PRKD1: variants seen among roughly 807,000 people sequenced by gnomAD.
PRKD1 encodes protein kinase D1.
A neutral mutation model predicts 95.9 loss-of-function variants in PRKD1; 63 were observed. That is an observed-to-expected ratio of 0.66 (90% CI 0.54 to 0.81). PRKD1 has a LOEUF of 0.81. PRKD1 is among the 30% of genes least tolerant of loss of function. PRKD1 has a pLI of 0.00. For synonymous variants in PRKD1, 425 were observed against 423.1 expected (o/e 1.00, Z -0.05); for missense variants, 1,048 against 1,165.3 (o/e 0.90, Z 1.47).
At chr14:29,840,792 CTT>C (rs1891809979) in intron 1 of PRKD1, among the ~76,000 whole-genome samples, 1 of 152,176 alleles carries the variant, frequency 6.6e-6, no homozygotes, top group Non-Finnish European at 1.5e-5. Flanking sequence ...AATCAGATCT[CTT>C]GAGACCCACT....
intron 16 of PRKD1, among the ~76,000 whole-genome samples, chr14:29,590,417 T>C (rs1893087145): frequency 1.3e-5 from 2 of 152,190 alleles, no homozygotes; most frequent in African/African-American, 4.8e-5. Context: ...GATGGTCAAA[T>C]TGTATGTTAA....
intron 16 of PRKD1, among the ~76,000 whole-genome samples, chr14:29,583,941 G>T (rs1464728003): frequency 6.6e-6 from 1 of 152,032 alleles, no homozygotes; most frequent in Non-Finnish European, 1.5e-5. Context: ...TGCCCTATCA[G>T]TTTAGAGACA....
At chr14:29,836,430 G>T (rs1165030744) in intron 1 of PRKD1, among the ~76,000 whole-genome samples, 2 of 152,174 alleles carry the variant, frequency 1.3e-5, no homozygotes, top group Non-Finnish European at 2.9e-5. Context: ...GGAGCTTGAG[G>T]AACTATTTAG....
At chr14:29,910,827 T>C (rs184990471) in intron 1 of PRKD1, among the ~76,000 whole-genome samples, 26 of 152,228 alleles carry the variant, frequency 1.7e-4, no homozygotes, top group Admixed American at 4.6e-4. Context: ...GTCACAAAAA[T>C]CCAATCTTTG....
At chr14:29,812,869 G>A in intron 1 of PRKD1, among the ~76,000 whole-genome samples, 1 of 152,180 alleles carries the variant, frequency 6.6e-6, no homozygotes, top group East Asian at 1.9e-4. Context: ...AGCACTTTGG[G>A]AGGCCAAGGC....
At chr14:29,803,596 A>C (rs1042964821) in intron 1 of PRKD1, among the ~76,000 whole-genome samples, 9 of 152,182 alleles carry the variant, frequency 5.9e-5, no homozygotes, top group Admixed American at 2.0e-4. Flanking sequence ...AAAACAGAGG[A>C]TAAGAACTTG....
chr14:29,684,102 G>A (rs1441046407), intron 2 of PRKD1, among the ~76,000 whole-genome samples: 1 of 151,628 alleles, frequency 6.6e-6, no homozygotes, highest in Non-Finnish European at 1.5e-5. Context: ...TCTTTTCCAG[G>A]AAGTCTCCCT....
chr14:29,885,643 A>G (rs1237760334), intron 1 of PRKD1, among the ~76,000 whole-genome samples: 1 of 152,040 alleles, frequency 6.6e-6, no homozygotes, highest in South Asian at 2.1e-4. Context: ...GGAATTTCCC[A>G]TTCTCTAAGG....
rs557264917 is a variant in PRKD1, at chr14:29,850,080, C to A, written c.264+77169G>T. 2.0e-5 allele frequency among the ~76,000 whole-genome samples: 3 copies of A among 152,148 alleles called. No homozygotes were observed. The South Asian group carries it at 6.2e-4, about 32-fold the overall frequency. ...ATAGTAAGAAACACTGATGACAAAC[C>A]CACAGCCAATGTCATACTGAATGGA... is the stretch of plus-strand genomic sequence containing the variant. On this transcript the variant is annotated intron_variant, in intron 1 of 17. Coordinates refer to ENST00000331968, the MANE Select transcript of PRKD1 (RefSeq NM_002742.3).
chr14:29,693,316 T>C (rs1039138332), intron 2 of PRKD1, among the ~76,000 whole-genome samples: 6 of 152,102 alleles, frequency 3.9e-5, no homozygotes, highest in African/African-American at 1.2e-4. Context: ...TGGCCAAGGA[T>C]TGTTGGGAAC....
chr14:29,907,175 A>G (rs1894523301), intron 1 of PRKD1, among the ~76,000 whole-genome samples: 1 of 152,222 alleles, frequency 6.6e-6, no homozygotes, highest in Admixed American at 6.5e-5. Flanking sequence ...GTTAGTTGAG[A>G]GGACTATCAA....
At chr14:29,635,648 TG>T in intron 7 of PRKD1, among the ~76,000 whole-genome samples, 1 of 152,310 alleles carries the variant, frequency 6.6e-6, no homozygotes, top group Middle Eastern at 3.4e-3. Context: ...TTTTAGTTTT[TG>T]CAAAAGACCT....
In PRKD1 at chr14:29,911,677, T is replaced by C. The variant is rs904853662; in HGVS notation, c.264+15572A>G. ...TCTGAATTTCTCACCTTTTCTGCAA[T>C]GAGTGTGACATATTAGTTTCTTACT... On this transcript the variant is annotated intron_variant, in intron 1 of 17. Coordinates refer to ENST00000331968, the MANE Select transcript of PRKD1 (RefSeq NM_002742.3). Among the ~76,000 whole-genome samples, 5 of 152,348 alleles carry C rather than the reference T, an allele frequency of 3.3e-5. No homozygotes were observed. The East Asian group carries it at 9.6e-4, about 29-fold the overall frequency.
intron 1 of PRKD1, among the ~76,000 whole-genome samples, chr14:29,731,767 G>GTAC: frequency 6.6e-6 from 1 of 151,560 alleles, no homozygotes; most frequent in Non-Finnish European, 1.5e-5. Flanking sequence ...TGTTTCCATG[G>GTAC]TACTATGTTG....
At chr14:29,698,189 CA>C in intron 2 of PRKD1, among the ~76,000 whole-genome samples, 1 of 152,190 alleles carries the variant, frequency 6.6e-6, no homozygotes, top group Middle Eastern at 3.4e-3. Context: ...ACATTTGAAA[CA>C]TAAACAAATG....
chr14:29,853,914 G>T (rs1375937976), intron 1 of PRKD1, among the ~76,000 whole-genome samples: 1 of 152,162 alleles, frequency 6.6e-6, no homozygotes, highest in Non-Finnish European at 1.5e-5. Context: ...TGCCACCCAT[G>T]TAAGATGTAA....
intron 1 of PRKD1, among the ~76,000 whole-genome samples, chr14:29,828,454 C>G (rs1401359948): frequency 6.6e-6 from 1 of 152,106 alleles, no homozygotes; most frequent in South Asian, 2.1e-4. Flanking sequence ...ACACCTCCCA[C>G]TAGGCCCACC....
At chr14:29,727,218 T>G (rs529467415) in intron 1 of PRKD1, among the ~76,000 whole-genome samples, 1 of 152,320 alleles carries the variant, frequency 6.6e-6, no homozygotes, top group Non-Finnish European at 1.5e-5. Context: ...CATCTGTTCA[T>G]GTCCTTTGCC....
chr14:29,716,345 T>C (rs755242888), intron 2 of PRKD1, among the ~76,000 whole-genome samples: 14 of 152,096 alleles, frequency 9.2e-5, no homozygotes, highest in Non-Finnish European at 1.9e-4. Flanking sequence ...CTGACAGAGA[T>C]CTATGGAGAT....
Sources: gnomAD v4.1 joint callset for allele counts (sites outside exome capture counted in the v4.1 genomes callset) on GRCh38, gnomAD v4.1.1 for gene constraint, MANE v1.5 for transcripts, NCBI Gene and HGNC (gene_info 2026-07-23, HGNC 2026-07-21) for gene names.